The following RAP1A variants were observed in gnomAD, a reference collection of about 807,000 sequenced individuals.
The protein encoded by RAP1A is RAP1A, member of RAS oncogene family, also known as ras-related protein Rap-1A.
RAP1A carries 6 observed loss-of-function variants against 26.4 expected under a neutral mutation model. The observed-to-expected ratio is 0.23, with a 90% CI of 0.12 to 0.45. The LOEUF (loss-of-function observed/expected upper bound fraction) is 0.45. RAP1A is among the 20% of genes least tolerant of loss of function. The pLI is 0.99. For synonymous variants in RAP1A, 73 were observed against 79.4 expected, an observed-to-expected ratio of 0.92 and a Z score of 0.43; for missense variants, 121 against 217.2, an observed-to-expected ratio of 0.56 and a Z score of 2.78.
intron 1 of RAP1A, among the ~76,000 whole-genome samples, chr1:111,587,871 GGTTATTGTGATACT>G (rs1190765685): frequency 6.6e-5 from 10 of 152,010 alleles, no homozygotes; most frequent in African/African-American, 2.4e-4. Context: ...TGTTCCTTTT[GGTTATTGTGATACT>G]GTTCTCTCTT....
At chr1:111,687,642 C>T (rs1374331537) in intron 1 of RAP1A, among the ~76,000 whole-genome samples, 4 of 152,038 alleles carry the variant, frequency 2.6e-5, no homozygotes, top group Non-Finnish European at 4.4e-5. Flanking sequence ...TTCTATTTCT[C>T]TCTCTTCTAC....
intron 1 of RAP1A, among the ~76,000 whole-genome samples, chr1:111,571,521 A>G (rs10857896): frequency 0.6 from 90,911 of 152,060 alleles, 27,320 homozygotes; most frequent in South Asian, 0.62. Flanking sequence ...TGTGAATAAC[A>G]AAAGGCACTC....
intron 1 of RAP1A, chr1:111,648,315 T>A: frequency 1.1e-6 from 1 of 948,900 alleles, no homozygotes; most frequent in Non-Finnish European, 1.6e-6. Flanking sequence ...GTGTCATTGG[T>A]CTCAGATACC....
At chr1:111,706,941 T>G (rs951655241) in intron 6 of RAP1A, among the ~76,000 whole-genome samples, 1 of 152,226 alleles carries the variant, frequency 6.6e-6, no homozygotes, top group African/African-American at 2.4e-5. Context: ...TTATTATTTT[T>G]TTATCTTATA....
At chr1:111,685,632 T>C (rs1661447070) in intron 1 of RAP1A, among the ~76,000 whole-genome samples, 1 of 152,164 alleles carries the variant, frequency 6.6e-6, no homozygotes, top group African/African-American at 2.4e-5. Flanking sequence ...CAACATATGT[T>C]GGAGAGGATA....
chr1:111,577,332 G>A (rs1265027417), intron 1 of RAP1A, among the ~76,000 whole-genome samples: 1 of 148,190 alleles, frequency 6.7e-6, no homozygotes, highest in Admixed American at 6.8e-5. Flanking sequence ...AACCCAGGAG[G>A]TGGAGGTTGC....
At chr1:111,578,682 T>C (rs10745320) in intron 1 of RAP1A, among the ~76,000 whole-genome samples, 128,931 of 151,770 alleles carry the variant, frequency 0.85, 55,604 homozygotes, top group Admixed American at 0.92. Flanking sequence ...TTTTTCCCCG[T>C]ACACCAAGCA....
At chr1:111,664,756 G>A (rs1660751078) in intron 1 of RAP1A, among the ~76,000 whole-genome samples, 1 of 152,198 alleles carries the variant, frequency 6.6e-6, no homozygotes, top group Non-Finnish European at 1.5e-5. Context: ...CCTGAAACCA[G>A]GTTGCCTGAG....
chr1:111,709,238 C>T lies in RAP1A; in HGVS notation c.*3C>T. 6.2e-7 allele frequency: 1 copy of T among 1,606,468 alleles called. No homozygotes were observed. Among genetic ancestry groups the T allele is most frequent in the Non-Finnish European group, 8.5e-7 (1 of 1,177,784 alleles). ...AGAAATCATGTCTGCTGCTCTAGGC[C>T]CATAGTCAGCAGCAGCTCTGAGCCA... On this transcript the variant is annotated 3_prime_UTR_variant, in exon 7 of 8. Coordinates refer to ENST00000369709, the MANE Select transcript of RAP1A (RefSeq NM_002884.4).
At chr1:111,649,929 C>T (rs981560468) in intron 1 of RAP1A, among the ~76,000 whole-genome samples, 2 of 152,004 alleles carry the variant, frequency 1.3e-5, no homozygotes, top group African/African-American at 4.8e-5. Context: ...AAAGAATCAC[C>T]ACACTGTTCA....
In RAP1A at chr1:111,716,323, C is replaced by A. The variant is rs962028894; in HGVS notation, c.*3922C>A. ...CAAAATGTAAAAACTGTAAGTTATT[C>A]TTGAAAATGTAGTCCAGACATTTCT... On this transcript the variant is annotated 3_prime_UTR_variant, in exon 8 of 8. Coordinates refer to ENST00000369709, the MANE Select transcript of RAP1A (RefSeq NM_002884.4). 6.6e-6 allele frequency: 1 copy of A among 152,170 alleles called. No homozygotes were observed. The highest frequency in any genetic ancestry group is 1.5e-5 in the Non-Finnish European group (1 of 68,018). The allele number at this position is 152,170 out of a possible 1,614,324, so 9.4% of individuals were successfully genotyped here. A position where few individuals can be genotyped will look rare whatever the true frequency, so the allele number is the denominator to read the frequency against.
chr1:111,600,438 G>A (rs1658649350), intron 1 of RAP1A, among the ~76,000 whole-genome samples: 1 of 152,236 alleles, frequency 6.6e-6, no homozygotes. Context: ...AGGCTAGCAA[G>A]CCTCCTCTTC....
intron 1 of RAP1A, among the ~76,000 whole-genome samples, 173 bp downstream of exon 1, chr1:111,620,107 C>T (rs1416284310): frequency 6.6e-6 from 1 of 152,052 alleles, no homozygotes; most frequent in Non-Finnish European, 1.5e-5. Context: ...GCGGGAGGGG[C>T]CGGAGATCTG....
At chr1:111,659,749 A>T (rs1660575872) in intron 1 of RAP1A, among the ~76,000 whole-genome samples, 1 of 151,098 alleles carries the variant, frequency 6.6e-6, no homozygotes, top group Non-Finnish European at 1.5e-5. Context: ...TTTTCTCCTC[A>T]CTTACTGTAT....
chr1:111,662,698 G>T (rs1660678156), intron 1 of RAP1A, among the ~76,000 whole-genome samples: 1 of 150,376 alleles, frequency 6.6e-6, no homozygotes, highest in Non-Finnish European at 1.5e-5. Flanking sequence ...CTTCACTTTA[G>T]TTTGGGAAGG....
chr1:111,564,086 G>A, intron 1 of RAP1A: 1 of 615,558 alleles, frequency 1.6e-6, no homozygotes, highest in South Asian at 1.9e-5. Context: ...TACTCATAAA[G>A]CCTTAAGCTC....
chr1:111,667,105 A>C (rs192509631), intron 1 of RAP1A, among the ~76,000 whole-genome samples: 2 of 152,314 alleles, frequency 1.3e-5, no homozygotes, highest in Non-Finnish European at 2.9e-5. Context: ...GGACTAGTTA[A>C]GAGGCTATTT....
chr1:111,610,268 C>A (rs1224081115), intron 1 of RAP1A, among the ~76,000 whole-genome samples: 3 of 152,166 alleles, frequency 2.0e-5, no homozygotes, highest in Non-Finnish European at 4.4e-5. Context: ...CAGTCTACCC[C>A]TGGCCAATCT....
At chr1:111,651,251 G>A (rs1660259188) in intron 1 of RAP1A, among the ~76,000 whole-genome samples, 1 of 152,050 alleles carries the variant, frequency 6.6e-6, no homozygotes, top group South Asian at 2.1e-4. Flanking sequence ...CTTATTTGTA[G>A]TTGTGGGATT....
Sources: gnomAD v4.1 joint callset for allele counts (sites outside exome capture counted in the v4.1 genomes callset) on GRCh38, gnomAD v4.1.1 for gene constraint, MANE v1.5 for transcripts, NCBI Gene and HGNC (gene_info 2026-07-23, HGNC 2026-07-21) for gene names.